The following ARMC2 variants were observed in gnomAD, a reference collection of about 807,000 sequenced individuals.
The protein encoded by ARMC2 is armadillo repeat containing 2, also known as armadillo repeat-containing protein 2.
A neutral mutation model predicts 90.3 loss-of-function variants in ARMC2; 67 were observed. The ratio of observed to expected loss-of-function variants is 0.74; its 90% CI spans 0.61 to 0.91. The LOEUF (loss-of-function observed/expected upper bound fraction) is 0.91. Among genes scored for constraint, ARMC2 ranks in the 40% least tolerant of loss-of-function variants. The probability of loss-of-function intolerance (pLI) is 0.00; values close to 1 mark genes in which losing one functional copy is unlikely to be tolerated. For missense variants in ARMC2, 920 were observed against 1,030.9 expected, an observed-to-expected ratio of 0.89 and a Z score of 1.47; for synonymous variants, 393 against 393.0, an observed-to-expected ratio of 1.00 and a Z score of 0.00.
chr6:109,047,655 G>C, the ARMC2 span, among the ~76,000 whole-genome samples: 824 of 132,452 alleles, frequency 6.2e-3, 1 homozygote, highest in African/African-American at 0.016. Context: ...AATAGAAAGG[G>C]GGGAAAGGTG....
At chr6:108,860,004 T>TAA (rs140061937) in intron 3 of ARMC2, among the ~76,000 whole-genome samples, 3 of 135,780 alleles carry the variant, frequency 2.2e-5, no homozygotes, top group Non-Finnish European at 3.2e-5. Context: ...AACTCTGTCT[T>TAA]AAAAAAAAAA....
intron 4 of ARMC2, among the ~76,000 whole-genome samples, chr6:108,874,241 T>C (rs1339941856): frequency 6.6e-6 from 1 of 152,178 alleles, no homozygotes; most frequent in Non-Finnish European, 1.5e-5. Flanking sequence ...CCAGTAGATT[T>C]GAAGATAGAC....
At chr6:109,005,698 ACT>A in the ARMC2 span, among the ~76,000 whole-genome samples, 1 of 152,182 alleles carries the variant, frequency 6.6e-6, no homozygotes, top group Non-Finnish European at 1.5e-5. Context: ...TATTAATAAC[ACT>A]GTCTCCCCTC....
At chr6:108,906,818 A>G (rs1447846224) in intron 8 of ARMC2, among the ~76,000 whole-genome samples, 4 of 152,170 alleles carry the variant, frequency 2.6e-5, no homozygotes, top group Admixed American at 6.5e-5. Flanking sequence ...ATACAAGTGA[A>G]TAAACTAGCT....
At chr6:108,961,730 T>C (rs1362425781) in intron 14 of ARMC2, 36 bp downstream of exon 14, 1 of 1,545,656 alleles carries the variant, frequency 6.5e-7, no homozygotes, top group Non-Finnish European at 8.7e-7. Context: ...AAATGAGTGC[T>C]CATTTGAAGT....
intron 11 of ARMC2, among the ~76,000 whole-genome samples, chr6:108,928,812 C>T (rs775333128): frequency 1.3e-5 from 2 of 152,082 alleles, no homozygotes; most frequent in East Asian, 1.9e-4. Flanking sequence ...TGTTTCCTCC[C>T]GCGCTGCTCT....
intron 1 of ARMC2, among the ~76,000 whole-genome samples, chr6:108,850,305 GA>G (rs1190824910): frequency 6.6e-6 from 1 of 152,126 alleles, no homozygotes; most frequent in Admixed American, 6.5e-5. Context: ...CTTTCCTCTT[GA>G]AATCAGCTTC....
chr6:108,904,669 A>AG (rs1554247840), intron 8 of ARMC2, among the ~76,000 whole-genome samples: 1 of 151,878 alleles, frequency 6.6e-6, no homozygotes, highest in Non-Finnish European at 1.5e-5. Flanking sequence ...AAGAAGAAGA[A>AG]GAAGGAAGGA....
downstream of ARMC2, among the ~76,000 whole-genome samples, chr6:108,975,178 C>G (rs1778961716): frequency 6.6e-6 from 1 of 151,992 alleles, no homozygotes; most frequent in South Asian, 2.1e-4. Context: ...CTGATGGACC[C>G]CAGTGTGTGA....
In ARMC2 at chr6:108,854,495, A is replaced by G; in HGVS notation, c.218+10A>G. The stretch of plus-strand genomic sequence containing the variant: ...CTCCTTCCTCCTTCAGGTATATGGC[A>G]TTTCACATTCATGTTCATTCAGATA... On this transcript the variant is annotated intron_variant, in intron 2 of 17. Coordinates refer to ENST00000392644, the MANE Select transcript of ARMC2 (RefSeq NM_032131.6). 6.2e-7 allele frequency: 1 copy of G among 1,607,818 alleles called. No individual in the cohort carries two copies.
chr6:108,906,157 C>T (rs1772672549), intron 8 of ARMC2, among the ~76,000 whole-genome samples: 1 of 152,028 alleles, frequency 6.6e-6, no homozygotes, highest in Non-Finnish European at 1.5e-5. Flanking sequence ...GTGTCAGAAA[C>T]TCTTACAAAA....
the ARMC2 span, among the ~76,000 whole-genome samples, chr6:109,020,640 G>C: frequency 8.0e-6 from 1 of 125,678 alleles, no homozygotes; most frequent in African/African-American, 2.5e-5. Flanking sequence ...TCCTTGGAGA[G>C]AAGAAGGTTT....
At chr6:108,929,654 A>G (rs1467719480) in intron 11 of ARMC2, among the ~76,000 whole-genome samples, 1 of 152,026 alleles carries the variant, frequency 6.6e-6, no homozygotes. Context: ...TAATTTTATC[A>G]TTATTATTTG....
intron 6 of ARMC2, 121 bp downstream of exon 6, chr6:108,894,664 T>C: frequency 1.3e-6 from 1 of 767,480 alleles, no homozygotes; most frequent in Non-Finnish European, 2.0e-6. Context: ...TGGTCACAAA[T>C]CAACATTTAT....
chr6:108,921,301 C>T (rs1215312331), intron 10 of ARMC2, among the ~76,000 whole-genome samples: 2 of 152,116 alleles, frequency 1.3e-5, no homozygotes, highest in Non-Finnish European at 2.9e-5. Flanking sequence ...GGAGAAACAA[C>T]AATAAACAGA....
the ARMC2 span, among the ~76,000 whole-genome samples, chr6:109,029,139 C>T: frequency 6.6e-6 from 1 of 152,104 alleles, no homozygotes; most frequent in Non-Finnish European, 1.5e-5. Context: ...ATAATGTAAG[C>T]AGTAAATGGA....
the ARMC2 span, among the ~76,000 whole-genome samples, chr6:109,031,326 T>G: frequency 2.0e-5 from 3 of 152,130 alleles, no homozygotes; most frequent in Non-Finnish European, 4.4e-5. Context: ...GTGAAAGCAG[T>G]GACTGTGCAT....
At chr6:109,007,354 G>A in the ARMC2 span, among the ~76,000 whole-genome samples, 1 of 152,138 alleles carries the variant, frequency 6.6e-6, no homozygotes, top group South Asian at 2.1e-4. Context: ...AATAATGAAT[G>A]AATGACAAGT....
the ARMC2 span, among the ~76,000 whole-genome samples, chr6:109,006,322 A>C: frequency 3.9e-5 from 6 of 152,230 alleles, no homozygotes; most frequent in Non-Finnish European, 7.4e-5. Flanking sequence ...ATTATACTTT[A>C]AGTTCTAGGG....
Sources: allele counts gnomAD v4.1 joint callset (sites outside exome capture counted in the v4.1 genomes callset), GRCh38; gene constraint gnomAD v4.1.1; transcripts MANE v1.5; gene names NCBI Gene and HGNC (gene_info 2026-07-23, HGNC 2026-07-21).